Variants in CACNA1D observed in about 807,000 individuals in gnomAD.
The protein encoded by CACNA1D is voltage-dependent L-type calcium channel subunit alpha-1D.
In CACNA1D, 55 loss-of-function variants were observed where a neutral mutation model predicts 257.1. That is an observed-to-expected ratio of 0.21 (90% CI 0.17 to 0.27). CACNA1D has a LOEUF of 0.27. CACNA1D is among the 10% of genes least tolerant of loss of function. The pLI is 1.00. For synonymous variants in CACNA1D, 980 were observed against 1,014.9 expected (o/e 0.97, Z 0.65); for missense variants, 1,876 against 2,784.0 (o/e 0.67, Z 7.34).
chr3:53,550,085 A>G (rs1271277100), intron 3 of CACNA1D, among the ~76,000 whole-genome samples: 1 of 152,158 alleles, frequency 6.6e-6, no homozygotes, highest in Non-Finnish European at 1.5e-5. Flanking sequence ...TGCCCCTCAT[A>G]GAAAGCGAAT....
intron 3 of CACNA1D, among the ~76,000 whole-genome samples, chr3:53,522,545 C>T (rs2091619805): frequency 1.3e-5 from 2 of 152,204 alleles, no homozygotes; most frequent in Admixed American, 1.3e-4. Context: ...GAAGTGTGTT[C>T]TTTCTTGGAG....
chr3:53,540,813 C>T (rs1203124079), intron 3 of CACNA1D, among the ~76,000 whole-genome samples: 1 of 152,126 alleles, frequency 6.6e-6, no homozygotes, highest in African/African-American at 2.4e-5. Flanking sequence ...GTGATCTCGG[C>T]TCACTGCTAC....
chr3:53,753,639 T>C lies in CACNA1D; in HGVS notation c.3743T>C (p.Phe1248Ser). 6.2e-7 allele frequency: 1 copy of C among 1,613,760 alleles called. No individual in the cohort carries two copies. The highest frequency in any genetic ancestry group is 8.5e-7 in the Non-Finnish European group (1 of 1,179,600). Residue 1248 changes from phenylalanine (F) to serine (S), a missense_variant, in exon 29 of 48, where the codon TTC (phenylalanine) becomes TCC (serine). Physicochemically the swap from Phe to Ser is radical, Grantham distance 155. This residue lies in a region of CACNA1D where 204 missense variants were observed against 309.4 expected (regional missense o/e 0.66). Coordinates refer to ENST00000350061, the MANE Select transcript of CACNA1D (RefSeq NM_001128840.3). ...CTGAACATGGTCTTCACCGGGGTGTTCACCGTCGAGATGGTTTTGAAAGTC... is the reference window on the plus strand; with the variant it reads ...CTGAACATGGTCTTCACCGGGGTGTCCACCGTCGAGATGGTTTTGAAAGTC... ...DILNMVFTGV[F>S]TVEMVLKVIA...
At position 53,749,670 on chromosome 3, in the gene CACNA1D, G is replaced by A. The variant is rs11720848; in HGVS notation, c.3516+201G>A. Among the ~76,000 whole-genome samples, 28,173 of 152,198 alleles carry A rather than the reference G, an allele frequency of 0.19. 3,076 individuals carry two copies. The highest frequency in any genetic ancestry group is 0.26 in the Middle Eastern group (76 of 294). ...GGTTTCCCGATACATATGAGACTTT[G>A]TAATTATGAAATCCATCGCCAGACC... is the stretch of plus-strand genomic sequence containing the variant. On this transcript the variant is annotated intron_variant, in intron 27 of 47. Transcript: ENST00000350061.
intron 29 of CACNA1D, among the ~76,000 whole-genome samples, chr3:53,760,853 T>C (rs1054757282): frequency 3.9e-5 from 6 of 152,288 alleles, no homozygotes; most frequent in African/African-American, 2.4e-5. Context: ...AAGCACTGAC[T>C]GGGTTCAAGG....
At chr3:53,583,840 C>CGT (rs1341867355) in intron 3 of CACNA1D, among the ~76,000 whole-genome samples, 1 of 152,140 alleles carries the variant, frequency 6.6e-6, no homozygotes, top group African/African-American at 2.4e-5. Context: ...TGTTTTATAA[C>CGT]GTGGTGGGTG....
rs766742171 is a variant in CACNA1D at position 53,726,917 on chromosome 3, T to C, written c.2139T>C (p.Asp713=). ...TGEDWNAVMY[D]GIMAYGGPSS... is the part of the protein sequence containing the mutation. Reference sequence around the variant, plus strand: ...AAGACTGGAATGCTGTGATGTACGATGGCATCATGGCTTACGGGGGCCCAT... The same window carrying C: ...AAGACTGGAATGCTGTGATGTACGACGGCATCATGGCTTACGGGGGCCCAT... The change falls in exon 15 of 48, where the codon GAT becomes GAC. Residue 713 remains aspartate, a synonymous_variant. Transcript: ENST00000350061. 3 of 1,614,056 alleles carry C rather than the reference T, an allele frequency of 1.9e-6. No homozygotes were observed. The highest frequency in any genetic ancestry group is 2.7e-5 in the African/African-American group (2 of 74,942).
intron 3 of CACNA1D, among the ~76,000 whole-genome samples, chr3:53,619,627 C>T (rs1230065231): frequency 1.3e-5 from 2 of 152,204 alleles, no homozygotes; most frequent in Non-Finnish European, 2.9e-5. Flanking sequence ...CTTTCCCTAA[C>T]ATGTCTGACC....
chr3:53,732,078 G>A lies in CACNA1D; in HGVS notation c.2469G>A (p.Val823=). 1 of 1,611,070 alleles carries A rather than the reference G, an allele frequency of 6.2e-7. No individual in the cohort carries two copies. ...EDKDPYPPCD[V]PVGEEEEEEE... is the part of the protein sequence containing the mutation. Reference sequence around the variant, plus strand: ...AGGACCCCTATCCGCCTTGCGATGTGCCAGGTATGGTGGCGGAGGCCGGAG... The same window carrying A: ...AGGACCCCTATCCGCCTTGCGATGTACCAGGTATGGTGGCGGAGGCCGGAG... Residue 823 remains valine (V), a synonymous_variant, in exon 18 of 48, where the codon GTG becomes GTA. Coordinates refer to ENST00000350061, the MANE Select transcript of CACNA1D (RefSeq NM_001128840.3).
intron 3 of CACNA1D, among the ~76,000 whole-genome samples, chr3:53,611,389 A>G (rs910975619): frequency 5.3e-5 from 8 of 152,212 alleles, no homozygotes; most frequent in African/African-American, 1.4e-4. Context: ...CCTTGTCTCA[A>G]AACAAAACAA....
At chr3:53,527,545 C>G (rs2091810028) in intron 3 of CACNA1D, among the ~76,000 whole-genome samples, 1 of 152,180 alleles carries the variant, frequency 6.6e-6, no homozygotes, top group Non-Finnish European at 1.5e-5. Flanking sequence ...CAATTAGAAC[C>G]TAAAAAGCTT....
chr3:53,583,767 C>A (rs2093169488), intron 3 of CACNA1D, among the ~76,000 whole-genome samples: 1 of 152,218 alleles, frequency 6.6e-6, no homozygotes, highest in Non-Finnish European at 1.5e-5. Context: ...AAGTTGCTGG[C>A]CCATCAGAGA....
chr3:53,761,032 G>A (rs915761970), intron 29 of CACNA1D, among the ~76,000 whole-genome samples: 2 of 152,206 alleles, frequency 1.3e-5, no homozygotes, highest in African/African-American at 2.4e-5. Flanking sequence ...CCGGGACTGC[G>A]AAGGTTCCAT....
chr3:53,659,202 A>G (rs1309250416), intron 4 of CACNA1D, among the ~76,000 whole-genome samples: 1 of 152,262 alleles, frequency 6.6e-6, no homozygotes, highest in East Asian at 1.9e-4. Flanking sequence ...TTAAATGAGC[A>G]GATTGCCTGA....
intron 3 of CACNA1D, among the ~76,000 whole-genome samples, chr3:53,549,911 A>T (rs941651496): frequency 1.3e-5 from 2 of 152,180 alleles, no homozygotes; most frequent in Non-Finnish European, 2.9e-5. Context: ...TGTAGGGGAA[A>T]GATCTTTTTC....
intron 3 of CACNA1D, among the ~76,000 whole-genome samples, chr3:53,547,263 T>C (rs1445958664): frequency 6.6e-6 from 1 of 152,172 alleles, no homozygotes; most frequent in Non-Finnish European, 1.5e-5. Flanking sequence ...TTGCCCCCCA[T>C]TCATTTGTTC....
At chr3:53,763,892 TATAGTG>T (rs1286183345) in intron 30 of CACNA1D, among the ~76,000 whole-genome samples, 1 of 152,216 alleles carries the variant, frequency 6.6e-6, no homozygotes, top group Non-Finnish European at 1.5e-5. Context: ...GCAGATATGT[TATAGTG>T]ATAAAATGAT....
At chr3:53,737,836 A>T (rs1041473513) in intron 20 of CACNA1D, among the ~76,000 whole-genome samples, 1 of 152,228 alleles carries the variant, frequency 6.6e-6, no homozygotes, top group African/African-American at 2.4e-5. Context: ...AAAAACATAC[A>T]AACAAAAATA....
At chr3:53,810,602 AC>A (rs1414752433) in intron 47 of CACNA1D, 1 of 408,806 alleles carries the variant, frequency 2.4e-6, no homozygotes, top group African/African-American at 2.1e-5. Flanking sequence ...TACTAAAAAT[AC>A]AAAAATTAGC....
Sources: gnomAD v4.1 joint callset for allele counts (sites outside exome capture counted in the v4.1 genomes callset) on GRCh38, gnomAD v4.1.1 for gene constraint, gnomAD v4.1.1 regional missense constraint, MANE v1.5 for transcripts, NCBI Gene and HGNC (gene_info 2026-07-23, HGNC 2026-07-21) for gene names.